The following PFKP variants were observed in gnomAD, a reference collection of about 807,000 sequenced individuals.
The protein encoded by PFKP is ATP-dependent 6-phosphofructokinase, platelet type.
PFKP carries 101 observed loss-of-function variants against 94.3 expected under a neutral mutation model. The ratio of observed to expected loss-of-function variants is 1.07; its 90% CI spans 0.91 to 1.26. PFKP has a LOEUF of 1.26. Among genes scored for constraint, PFKP ranks in the 50% most tolerant of loss-of-function variants. PFKP has a pLI of 0.00. For synonymous variants in PFKP, 573 were observed against 432.6 expected, an observed-to-expected ratio of 1.32 and a Z score of -4.03; for missense variants, 1,145 against 1,103.3, an observed-to-expected ratio of 1.04 and a Z score of -0.53.
At chr10:3,088,536 C>T (rs149589654) in intron 2 of PFKP, among the ~76,000 whole-genome samples, 1 of 152,080 alleles carries the variant, frequency 6.6e-6, no homozygotes, top group Non-Finnish European at 1.5e-5. Flanking sequence ...GTCACCCAGC[C>T]GAGGTGACGG....
intron 20 of PFKP, among the ~76,000 whole-genome samples, chr10:3,135,084 A>T (rs986376250): frequency 6.6e-6 from 1 of 152,220 alleles, no homozygotes; most frequent in African/African-American, 2.4e-5. Flanking sequence ...CTTTAAACTG[A>T]AGTTTCAAGA....
chr10:3,090,813 A>G (rs914713531), intron 2 of PFKP, among the ~76,000 whole-genome samples: 19 of 152,106 alleles, frequency 1.2e-4, no homozygotes, highest in African/African-American at 4.3e-4. Flanking sequence ...ATTTGGGCTC[A>G]AATTGAGGGG....
Position 3,073,734 on chromosome 10 carries a change from G to C in PFKP, c.112+6027G>C, listed in dbSNP as rs116167620. Among the ~76,000 whole-genome samples, 1,151 of 149,578 alleles carry C rather than the reference G, an allele frequency of 7.7e-3. 27 individuals carry two copies. Among genetic ancestry groups the C allele is most frequent in the African/African-American group, 0.027 (1,117 of 40,666 alleles). ...TTCCTGAATGGAAAATGATTGAAAG[G>C]GTGGCATGCAGTAGCCTCGGGGAGT... On this transcript the variant is annotated intron_variant, in intron 1 of 21. Transcript: ENST00000381125.
chr10:3,070,898 AATTATT>A (rs142048993), intron 1 of PFKP, among the ~76,000 whole-genome samples: 5,189 of 140,286 alleles, frequency 0.037, 128 homozygotes, highest in Non-Finnish European at 0.057. Context: ...ATGACCAGCT[AATTATT>A]ATTATTATTA....
At chr10:3,113,550 ACACC>A (rs1229080183) in intron 13 of PFKP, 32 bp downstream of exon 13, 2 of 1,603,434 alleles carry the variant, frequency 1.2e-6, no homozygotes, top group African/African-American at 2.7e-5. Flanking sequence ...AGGCAGGCAG[ACACC>A]CTGGCTGTGA....
chr10:3,109,510 G>A, intron 10 of PFKP, 30 bp downstream of exon 10: 2 of 1,595,788 alleles, frequency 1.3e-6, no homozygotes, highest in Non-Finnish European at 1.7e-6. Flanking sequence ...CCAAGGGCAG[G>A]GCGGAGACGG....
At chr10:3,114,949 T>C (rs114995791) in intron 13 of PFKP, among the ~76,000 whole-genome samples, 3,275 of 152,256 alleles carry the variant, frequency 0.022, 131 homozygotes, top group African/African-American at 0.073. Flanking sequence ...AGCCGGGGCT[T>C]TGCAGTCACC....
intron 2 of PFKP, among the ~76,000 whole-genome samples, chr10:3,096,206 G>T (rs1834463447): frequency 6.6e-6 from 1 of 152,106 alleles, no homozygotes; most frequent in Non-Finnish European, 1.5e-5. Context: ...CGGTTGACTT[G>T]GAAGCAGCGT....
intron 1 of PFKP, among the ~76,000 whole-genome samples, chr10:3,071,516 A>T (rs1172059431): frequency 7.4e-6 from 1 of 134,680 alleles, no homozygotes; most frequent in African/African-American, 3.0e-5. Flanking sequence ...ACTTAAATTG[A>T]TTTTCACTCA....
At chr10:3,110,194 T>A (rs1836035789) in intron 10 of PFKP, among the ~76,000 whole-genome samples, 3 of 151,070 alleles carry the variant, frequency 2.0e-5, no homozygotes, top group African/African-American at 4.9e-5. Context: ...TTTGAAGTTA[T>A]TTAATTAATT....
intron 4 of PFKP, among the ~76,000 whole-genome samples, chr10:3,101,799 C>A (rs910895289): frequency 6.6e-6 from 1 of 152,214 alleles, no homozygotes; most frequent in Non-Finnish European, 1.5e-5. Context: ...GGAATCCTCA[C>A]GACAGCCATC....
chr10:3,106,581 C>G (rs1835580905), intron 7 of PFKP, among the ~76,000 whole-genome samples: 1 of 143,674 alleles, frequency 7.0e-6, no homozygotes. Context: ...CACAGCCGCC[C>G]TGCTCCTTCA....
At chr10:3,121,581 GT>G (rs10528387) in intron 16 of PFKP, among the ~76,000 whole-genome samples, 20,242 of 132,682 alleles carry the variant, frequency 0.15, 1,481 homozygotes, top group East Asian at 0.37. Context: ...ATAAATAACT[GT>G]TTTTTTTTTT....
chr10:3,120,614 C>T (rs1284457175), intron 16 of PFKP, among the ~76,000 whole-genome samples: 1 of 152,126 alleles, frequency 6.6e-6, no homozygotes, highest in African/African-American at 2.4e-5. Context: ...ATTGGTGCTA[C>T]TTTAGTTTTT....
intron 18 of PFKP, 28 bp downstream of exon 18, chr10:3,132,469 T>A (rs769580403): frequency 6.7e-7 from 1 of 1,502,352 alleles, no homozygotes; most frequent in Admixed American, 1.7e-5. Context: ...GGGGCTGATC[T>A]TACCCTCACC....
chr10:3,089,251 T>G (rs1833862133), intron 2 of PFKP, among the ~76,000 whole-genome samples: 1 of 152,220 alleles, frequency 6.6e-6, no homozygotes, highest in South Asian at 2.1e-4. Context: ...TTATTTCACT[T>G]AACAGTAAAG....
chr10:3,134,443 C>CCAG, intron 19 of PFKP, 40 bp from the exon 20 acceptor site: 1 of 1,084,722 alleles, frequency 9.2e-7, no homozygotes, highest in Non-Finnish European at 1.4e-6. Flanking sequence ...CAAAGTGTTA[C>CCAG]TGTATAACTG....
intron 2 of PFKP, among the ~76,000 whole-genome samples, chr10:3,083,661 G>T (rs796857331): frequency 3.3e-5 from 5 of 151,284 alleles, no homozygotes; most frequent in African/African-American, 1.2e-4. Context: ...TATTTTTTTT[G>T]AGAAAAATCT....
At chr10:3,094,230 C>T (rs1043487843) in intron 2 of PFKP, among the ~76,000 whole-genome samples, 7 of 152,206 alleles carry the variant, frequency 4.6e-5, no homozygotes, top group Admixed American at 3.9e-4. Flanking sequence ...ACCGGCCTCG[C>T]TCCTGCTGGG....
Sources: gnomAD v4.1 joint callset for allele counts (sites outside exome capture counted in the v4.1 genomes callset) on GRCh38, gnomAD v4.1.1 for gene constraint, MANE v1.5 for transcripts, NCBI Gene and HGNC (gene_info 2026-07-23, HGNC 2026-07-21) for gene names.